The following ARAP2 variants were observed in gnomAD, a reference collection of about 807,000 sequenced individuals.
ARAP2 encodes the protein arf-GAP with Rho-GAP domain, ANK repeat and PH domain-containing protein 2.
ARAP2 carries 148 observed loss-of-function variants against 194.5 expected under a neutral mutation model. The ratio of observed to expected loss-of-function variants is 0.76; its 90% CI spans 0.67 to 0.87. ARAP2 has a LOEUF of 0.87. Among genes scored for constraint, ARAP2 ranks in the 40% least tolerant of loss-of-function variants. The pLI is 0.00. For missense variants in ARAP2, 2,128 were observed against 1,989.7 expected, an observed-to-expected ratio of 1.07 and a Z score of -1.32; for synonymous variants, 695 against 683.5, an observed-to-expected ratio of 1.02 and a Z score of -0.26.
intron 1 of ARAP2, among the ~76,000 whole-genome samples, chr4:36,236,199 T>C (rs1040099029): frequency 6.9e-6 from 1 of 145,884 alleles, no homozygotes; most frequent in African/African-American, 2.5e-5. Context: ...AAAAAAAAAT[T>C]AATGGGTTGG....
At chr4:36,150,813 G>T (rs1380202083) in intron 16 of ARAP2, 87 bp downstream of exon 16, 11 of 1,417,376 alleles carry the variant, frequency 7.8e-6, no homozygotes, top group Middle Eastern at 3.9e-4. Flanking sequence ...AGCAACTAAA[G>T]AACTAAAATG....
chr4:36,100,999 T>G (rs773041657), intron 27 of ARAP2, among the ~76,000 whole-genome samples: 2 of 151,978 alleles, frequency 1.3e-5, no homozygotes, highest in African/African-American at 2.4e-5. Flanking sequence ...CAAAAAATGT[T>G]TGAAAAACCA....
chr4:36,201,572 T>C lies in ARAP2; in HGVS notation c.1488-7925A>G, dbSNP rs1451525082. Among the ~76,000 whole-genome samples, 4 of 152,354 alleles carry C rather than the reference T, an allele frequency of 2.6e-5. No individual in the cohort carries two copies. The South Asian group carries it at 8.3e-4, about 32-fold the overall frequency. ...TGTGCAGTATTATTGAACATATTTC[T>C]ATAAACTCTTCCCTTGAGCTCTGGT... On this transcript the variant is annotated intron_variant, in intron 6 of 32. Transcript: ENST00000303965.
chr4:36,034,545 G>A (rs967148885), intron 5 of ARAP2, among the ~76,000 whole-genome samples: 3 of 151,886 alleles, frequency 2.0e-5, no homozygotes, highest in African/African-American at 7.3e-5. Context: ...TCTTTTGGGC[G>A]GGACTATGAG....
At chr4:36,070,093 T>A (rs1486962102) in intron 32 of ARAP2, among the ~76,000 whole-genome samples, 1 of 152,180 alleles carries the variant, frequency 6.6e-6, no homozygotes. Context: ...CTTTTCTTCA[T>A]AAATTACCCA....
chr4:36,009,898 T>C (rs897186201), intron 9 of ARAP2, among the ~76,000 whole-genome samples: 1 of 130,670 alleles, frequency 7.7e-6, no homozygotes, highest in African/African-American at 2.8e-5. Context: ...GGTAGGGGGG[T>C]GGAATCATCA....
rs1747149188 is a variant in ARAP2 at position 36,213,230 on chromosome 4, G to A, written c.1041+13C>T. ...ATTGATTATGGAAAACAATTAAAAT[G>A]TATGGGACTAACCTTGGAATTTTCT... On this transcript the variant is annotated intron_variant, in intron 4 of 32. Transcript: ENST00000303965. The A allele has an allele frequency of 1.3e-6, 2 of 1,543,872 alleles. No homozygotes were observed. The highest frequency in any genetic ancestry group is 1.7e-5 in the Admixed American group (1 of 58,642).
At chr4:36,185,666 C>T (rs1485182083) in intron 8 of ARAP2, among the ~76,000 whole-genome samples, 2 of 152,012 alleles carry the variant, frequency 1.3e-5, no homozygotes, top group Non-Finnish European at 2.9e-5. Context: ...GTGGTGAACA[C>T]TCTTATCTGT....
intron 1 of ARAP2, among the ~76,000 whole-genome samples, chr4:36,236,313 C>A (rs1382167171): frequency 6.6e-6 from 1 of 152,144 alleles, no homozygotes; most frequent in Non-Finnish European, 1.5e-5. Flanking sequence ...TCATAAATCC[C>A]CTAGTTGAAC....
chr4:36,142,370 A>C (rs1368333617), intron 19 of ARAP2, among the ~76,000 whole-genome samples: 2 of 151,672 alleles, frequency 1.3e-5, no homozygotes, highest in African/African-American at 4.8e-5. Context: ...ATCTGAAAAC[A>C]AACTGCACAT....
At chr4:36,211,485 GC>G (rs1290217545) in intron 5 of ARAP2, among the ~76,000 whole-genome samples, 1 of 152,046 alleles carries the variant, frequency 6.6e-6, no homozygotes, top group Non-Finnish European at 1.5e-5. Context: ...ATATGCCTGG[GC>G]TCAAATTACA....
intron 2 of ARAP2, among the ~76,000 whole-genome samples, chr4:36,221,781 T>C (rs1408031457): frequency 1.3e-5 from 2 of 152,158 alleles, no homozygotes; most frequent in African/African-American, 4.8e-5. Flanking sequence ...TACATTTTCA[T>C]TTATCTATTA....
At chr4:36,234,835 G>A (rs970574195) in intron 1 of ARAP2, among the ~76,000 whole-genome samples, 3 of 152,074 alleles carry the variant, frequency 2.0e-5, no homozygotes, top group Admixed American at 6.5e-5. Context: ...ACCCATATAA[G>A]CTACACAATA....
intron 32 of ARAP2, among the ~76,000 whole-genome samples, chr4:36,071,480 C>G (rs1726869429): frequency 6.6e-6 from 1 of 152,138 alleles, no homozygotes; most frequent in South Asian, 2.1e-4. Flanking sequence ...CCCCAATTAA[C>G]TTGAGAAGTC....
intron 8 of ARAP2, among the ~76,000 whole-genome samples, chr4:36,180,882 G>T (rs1293452930): frequency 1.3e-5 from 2 of 152,186 alleles, no homozygotes; most frequent in Non-Finnish European, 2.9e-5. Flanking sequence ...AGTTTATTCT[G>T]AATTAGCCAT....
chr4:36,014,350 GAAA>G lies in ARAP2; in HGVS notation n.1056+1033_1056+1035del, dbSNP rs1715358496. On this transcript the variant is annotated intron_variant and non_coding_transcript_variant, in intron 8 of 12. Coordinates refer to the ARAP2 transcript ENST00000503225. The stretch of plus-strand genomic sequence containing the variant: ...AGAAAGAAAGAAAGAAAGAAAGAAA[GAAA>G]GAAAGAAAGAAAGAAAGAAAGAAAG... 4.3e-5 allele frequency among the ~76,000 whole-genome samples: 6 copies of G among 138,858 alleles called. No homozygotes were observed. In the East Asian group the frequency reaches 1.2e-3, roughly 27 times the overall value. The allele number at this position is 138,858 out of a possible 152,430, so 91.1% of individuals were successfully genotyped here. A position where few individuals can be genotyped will look rare whatever the true frequency, so the allele number is the denominator to read the frequency against.
chr4:36,091,055 T>C (rs1382300255), intron 28 of ARAP2, among the ~76,000 whole-genome samples: 1 of 152,180 alleles, frequency 6.6e-6, no homozygotes, highest in Non-Finnish European at 1.5e-5. Flanking sequence ...ATAATACACA[T>C]ATAAAAAGTA....
chr4:36,198,107 C>T (rs558386413), intron 6 of ARAP2, among the ~76,000 whole-genome samples: 10 of 152,124 alleles, frequency 6.6e-5, no homozygotes, highest in African/African-American at 9.7e-5. Context: ...GTGAGCAAGG[C>T]GAAGAGGAGC....
rs1741224718 is a variant in ARAP2, at chr4:36,188,945, AT to A, written c.1558-1375del. Among the ~76,000 whole-genome samples the A allele has an allele frequency of 2.0e-5, 3 of 152,136 alleles. No homozygotes were observed. In the South Asian group the frequency reaches 6.2e-4, roughly 32 times the overall value. On this transcript the variant is annotated intron_variant, in intron 7 of 32. Transcript: ENST00000303965. ...TATCATCATGGCATTATCTCTGAGT[AT>A]TTTTTAAGTTTCTTCTCCTTCACTA...
Sources: allele counts gnomAD v4.1 joint callset (sites outside exome capture counted in the v4.1 genomes callset), GRCh38; gene constraint gnomAD v4.1.1; transcripts MANE v1.5; gene names NCBI Gene and HGNC (gene_info 2026-07-23, HGNC 2026-07-21).